TAB1: variants seen among roughly 807,000 people sequenced by gnomAD.
TAB1 encodes TGF-beta activated kinase 1 (MAP3K7) binding protein 1, also known as TGF-beta-activated kinase 1 and MAP3K7-binding protein 1.
Under a neutral mutation model 54.5 loss-of-function variants are expected in TAB1, and 30 were observed. The observed-to-expected ratio is 0.55, with a 90% CI of 0.41 to 0.75. The LOEUF (loss-of-function observed/expected upper bound fraction) is 0.75. TAB1 is among the 30% of genes least tolerant of loss of function. The pLI, the probability that TAB1 is intolerant of heterozygous loss-of-function variation, is 0.00. For missense variants in TAB1, 609 were observed against 683.2 expected (o/e 0.89, Z 1.21); for synonymous variants, 289 against 286.9 (o/e 1.01, Z -0.07).
chr22:39,426,138 C>T (rs185864341), intron 8 of TAB1, among the ~76,000 whole-genome samples: 5 of 152,324 alleles, frequency 3.3e-5, no homozygotes, highest in African/African-American at 9.6e-5. Context: ...GGATTACAGG[C>T]GCAAGCCACT....
chr22:39,404,068 G>A (rs1265663968), intron 1 of TAB1, among the ~76,000 whole-genome samples: 1 of 152,214 alleles, frequency 6.6e-6, no homozygotes, highest in Admixed American at 6.5e-5. Context: ...ATGGTGGGAA[G>A]TATCAGATTC....
At chr22:39,436,641 A>T, downstream of TAB1, 1 of 1,242,254 alleles carries the variant, frequency 8.0e-7, no homozygotes, top group Non-Finnish European at 1.2e-6. Context: ...GCCTGGTCTG[A>T]CTTGTGCACT....
chr22:39,412,978 G>A (rs1185170125), intron 1 of TAB1, among the ~76,000 whole-genome samples: 4 of 141,072 alleles, frequency 2.8e-5, no homozygotes, highest in African/African-American at 1.1e-4. Context: ...GCAGTTGCAC[G>A]ATCTCGGCTC....
rs35469986 is a variant in TAB1 at position 39,417,754 on chromosome 22, T to C, written c.455T>C (p.Leu152Pro). 3.4e-3 allele frequency: 5,430 copies of C among 1,613,172 alleles called. 187 individuals carry two copies. In the East Asian group the frequency reaches 0.079, roughly 24 times the overall value. Residue 152 changes from leucine (L) to proline (P), a missense_variant, in exon 5 of 11, where the codon CTT becomes CCT. Leu to Pro is a moderately conservative substitution (Grantham distance 98, BLOSUM62 -3). Coordinates refer to ENST00000216160, the MANE Select transcript of TAB1 (RefSeq NM_006116.3). ...CTGCCTCCTCAGTATCAGAAGATCC[T>C]TGAGAGACTCAAGACGTTAGAGAGG... ...HQLPPQYQKI[L>P]ERLKTLEREI...
chr22:39,417,754 T>G lies in TAB1; in HGVS notation c.455T>G (p.Leu152Arg), dbSNP rs35469986. The change falls in exon 5 of 11, where the codon CTT (leucine) becomes CGT (arginine). Residue 152 changes from leucine (L) to arginine (R), a missense_variant. Leu to Arg is a moderately radical substitution (Grantham distance 102). Coordinates refer to ENST00000216160, the MANE Select transcript of TAB1 (RefSeq NM_006116.3). ...CTGCCTCCTCAGTATCAGAAGATCC[T>G]TGAGAGACTCAAGACGTTAGAGAGG... is the stretch of plus-strand genomic sequence containing the variant. ...HQLPPQYQKI[L>R]ERLKTLEREI... 1.0e-4 allele frequency: 169 copies of G among 1,613,200 alleles called. 1 individual carries two copies. In the Middle Eastern group the frequency reaches 3.6e-3, roughly 35 times the overall value.
chr22:39,421,824 T>C lies in TAB1; in HGVS notation c.777-3T>C. The C allele has an allele frequency of 6.2e-7, 1 of 1,614,006 alleles. No homozygotes were observed. The highest frequency in any genetic ancestry group is 8.5e-7 in the Non-Finnish European group (1 of 1,179,954). On this transcript the variant is annotated splice_region_variant and splice_polypyrimidine_tract_variant and intron_variant, in intron 7 of 10. Transcript: ENST00000216160. ...AGCTCTTCCTTCCACTCTCTCCCCA[T>C]AGCGCTGCCAAGTCCAAACCAATCA... is the stretch of plus-strand genomic sequence containing the variant.
chr22:39,400,841 C>A (rs939477640), intron 1 of TAB1, among the ~76,000 whole-genome samples: 1 of 152,018 alleles, frequency 6.6e-6, no homozygotes, highest in Non-Finnish European at 1.5e-5. Context: ...CAAGACCATC[C>A]TGGCCAACAT....
At chr22:39,413,605 G>T (rs1926700962) in intron 1 of TAB1, among the ~76,000 whole-genome samples, 2 of 152,112 alleles carry the variant, frequency 1.3e-5, no homozygotes, top group Admixed American at 6.6e-5. Context: ...TTTTAACAGA[G>T]ACAGAGATGG....
In TAB1 at chr22:39,431,363, C is replaced by G. The variant is rs990789386; in HGVS notation, c.*1141C>G. 1.0e-6 allele frequency: 1 copy of G among 985,382 alleles called. No homozygotes were observed. Among genetic ancestry groups the G allele is most frequent in the East Asian group, 1.1e-4 (1 of 8,832 alleles). 61.0% of individuals were successfully genotyped at this position (985,382 alleles called of 1,614,324 possible). On this transcript the variant is annotated 3_prime_UTR_variant, in exon 11 of 11. Transcript: ENST00000216160. ...GAGGAAGCAGGCCGAGAGACTTGCACCTTGGCCAAGCCACACAATCAGTGG... is the reference window on the plus strand; with the variant it reads ...GAGGAAGCAGGCCGAGAGACTTGCAGCTTGGCCAAGCCACACAATCAGTGG...
downstream of TAB1, chr22:39,433,536 G>T: frequency 2.0e-6 from 2 of 985,268 alleles, no homozygotes; most frequent in Non-Finnish European, 2.4e-6. Context: ...CAGAAATCCC[G>T]TTGTCCCAGG....
Position 39,417,862 on chromosome 22 carries a change from C to G in TAB1, c.550+13C>G. The G allele has an allele frequency of 1.3e-6, 2 of 1,596,834 alleles. No individual in the cohort carries two copies. The highest frequency in any genetic ancestry group is 1.7e-6 in the Non-Finnish European group (2 of 1,171,598). ...GTCGCCAATGTCGGTGAGCCCCCTC[C>G]TGTCCCAGGGCAGGGAGGACTGGGG... On this transcript the variant is annotated intron_variant, in intron 5 of 10. Transcript: ENST00000216160.
intron 4 of TAB1, among the ~76,000 whole-genome samples, chr22:39,417,423 A>G (rs1460482593): frequency 6.6e-6 from 1 of 152,184 alleles, no homozygotes; most frequent in Admixed American, 6.5e-5. Flanking sequence ...GATCAAGACC[A>G]TCCTGGCTAA....
downstream of TAB1, among the ~76,000 whole-genome samples, chr22:39,434,695 A>G (rs374612373): frequency 6.6e-5 from 10 of 152,184 alleles, no homozygotes; most frequent in African/African-American, 2.4e-4. Flanking sequence ...TCCTACCTTC[A>G]GGGACCCCCA....
downstream of TAB1, chr22:39,432,808 T>G (rs752138609): frequency 1.0e-6 from 1 of 985,548 alleles, no homozygotes; most frequent in Non-Finnish European, 1.2e-6. Flanking sequence ...TTATGTCCCC[T>G]GTCCCCAGCC....
In TAB1 at chr22:39,421,868, A is replaced by G. The variant is rs940874839; in HGVS notation, c.818A>G (p.His273Arg). ...CCAATCATCGCAGAGCCAGAAATCC[A>G]TGGGGCACAGCCGCTGGATGGGGTG... Reference protein sequence around the residue: ...SKPIIAEPEIHGAQPLDGVTG... With the variant: ...SKPIIAEPEIRGAQPLDGVTG... The change falls in exon 8 of 11, where the codon CAT (histidine) becomes CGT (arginine). Residue 273 changes from histidine (H) to arginine (R), a missense_variant. Transcript: ENST00000216160. 2.5e-6 allele frequency: 4 copies of G among 1,613,868 alleles called. No homozygotes were observed. Among genetic ancestry groups the G allele is most frequent in the East Asian group, 2.2e-5 (1 of 44,874 alleles).
intron 1 of TAB1, among the ~76,000 whole-genome samples, chr22:39,410,821 A>G (rs549317949): frequency 5.3e-5 from 8 of 152,332 alleles, no homozygotes; most frequent in African/African-American, 1.4e-4. Flanking sequence ...AAAAATCCCA[A>G]CAAGACTTGT....
Position 39,415,502 on chromosome 22 carries a change from G to C in TAB1, c.173G>C (p.Ser58Thr), listed in dbSNP as rs765162967. 3 of 1,613,716 alleles carry C rather than the reference G, an allele frequency of 1.9e-6. No homozygotes were observed. In the South Asian group the frequency reaches 3.3e-5, roughly 18 times the overall value. Residue 58 changes from serine to threonine, a missense_variant and splice_region_variant, in exon 3 of 11, where the codon AGT becomes ACT. Transcript: ENST00000216160. This position sits in a 1 kb window ranked among gnomAD's most constrained non-coding sequence, Gnocchi z 4.9. The stretch of plus-strand genomic sequence containing the variant: ...CCTCTGCCCTCTCCCTCTTCCAGGA[G>C]TGAGAACAACTGCTTCCTGTATGGG... Reference protein sequence around the residue: ...PPEDSWLKFRSENNCFLYGVF... With the variant: ...PPEDSWLKFRTENNCFLYGVF...
At chr22:39,432,036 G>A (rs1192945494), downstream of TAB1, among the ~76,000 whole-genome samples, 1 of 152,166 alleles carries the variant, frequency 6.6e-6, no homozygotes, top group Non-Finnish European at 1.5e-5. Flanking sequence ...TGCATTCCAT[G>A]CTGCCGCCCC....
At chr22:39,399,891 G>T in intron 1 of TAB1, 56 bp downstream of exon 1, 2 of 1,550,294 alleles carry the variant, frequency 1.3e-6, no homozygotes, top group South Asian at 1.2e-5. Flanking sequence ...CGGGGGTGCT[G>T]TCGGGTGCAG....
Sources: gnomAD v4.1 joint callset for allele counts (sites outside exome capture counted in the v4.1 genomes callset) on GRCh38, gnomAD v4.1.1 for gene constraint, Gnocchi (gnomAD v3.1) non-coding constraint, MANE v1.5 for transcripts, NCBI Gene and HGNC (gene_info 2026-07-23, HGNC 2026-07-21) for gene names.